The following SV2C variants were observed in gnomAD, a reference collection of about 807,000 sequenced individuals.
SV2C encodes the protein synaptic vesicle glycoprotein 2C.
In SV2C, 49 loss-of-function variants were observed where a neutral mutation model predicts 79.7. The observed-to-expected ratio is 0.61, with a 90% CI of 0.49 to 0.78. SV2C has a LOEUF of 0.78. Ranked by LOEUF, SV2C falls within the 30% of genes least tolerant of loss-of-function variation. The pLI, the probability that SV2C is intolerant of heterozygous loss-of-function variation, is 0.00. For synonymous variants in SV2C, 334 were observed against 333.2 expected (o/e 1.00, Z -0.03); for missense variants, 833 against 912.9 (o/e 0.91, Z 1.13).
the SV2C span, among the ~76,000 whole-genome samples, chr5:75,867,684 C>T: frequency 6.6e-6 from 1 of 152,170 alleles, no homozygotes; most frequent in Non-Finnish European, 1.5e-5. Flanking sequence ...TTCCATAGAA[C>T]ATAGATCTTT....
the SV2C span, among the ~76,000 whole-genome samples, chr5:76,025,257 G>A: frequency 8.7e-4 from 132 of 151,816 alleles, no homozygotes; most frequent in African/African-American, 3.1e-3. Context: ...TGTCCCACTG[G>A]AGCATAGGCA....
chr5:75,996,243 T>A, the SV2C span, among the ~76,000 whole-genome samples: 2 of 152,180 alleles, frequency 1.3e-5, no homozygotes, highest in Non-Finnish European at 2.9e-5. Flanking sequence ...AAAGAGGGAA[T>A]CCTTTCCCCA....
At chr5:76,051,355 G>A in the SV2C span, among the ~76,000 whole-genome samples, 6 of 151,552 alleles carry the variant, frequency 4.0e-5, no homozygotes, top group Non-Finnish European at 8.9e-5. Flanking sequence ...TATATTCTTG[G>A]ATTTAATTTT....
At chr5:75,853,638 T>G in the SV2C span, among the ~76,000 whole-genome samples, 1 of 127,062 alleles carries the variant, frequency 7.9e-6, no homozygotes, top group African/African-American at 3.2e-5. Flanking sequence ...AAAAGAATTT[T>G]AAAATTGTTA....
intron 4 of SV2C, among the ~76,000 whole-genome samples, chr5:76,261,081 A>G (rs999632085): frequency 5.3e-5 from 8 of 152,068 alleles, no homozygotes; most frequent in Non-Finnish European, 1.2e-4. Context: ...ATGAGCATGG[A>G]TTGTTTTCCA....
chr5:76,143,597 C>A (rs962755727), intron 2 of SV2C, among the ~76,000 whole-genome samples: 1 of 152,144 alleles, frequency 6.6e-6, no homozygotes, highest in Non-Finnish European at 1.5e-5. Context: ...TCTACCTGAC[C>A]CCCAGGAAGC....
the SV2C span, among the ~76,000 whole-genome samples, chr5:75,865,571 A>G: frequency 6.6e-6 from 1 of 152,196 alleles, no homozygotes; most frequent in Non-Finnish European, 1.5e-5. Context: ...CTGGTTATCT[A>G]CTTTGCGTGG....
At chr5:76,337,855 A>C (rs189221490), downstream of SV2C, among the ~76,000 whole-genome samples, 5 of 152,222 alleles carry the variant, frequency 3.3e-5, no homozygotes, top group East Asian at 1.9e-4. Flanking sequence ...TTTAAAAAAA[A>C]ACTTGGAGTC....
chr5:76,141,595 A>AG (rs1317014470), intron 2 of SV2C, among the ~76,000 whole-genome samples: 17 of 152,054 alleles, frequency 1.1e-4, no homozygotes. Flanking sequence ...AGGCCAAGGC[A>AG]GGTGGATCAC....
At chr5:76,187,453 A>C (rs999815724) in intron 2 of SV2C, among the ~76,000 whole-genome samples, 1 of 152,128 alleles carries the variant, frequency 6.6e-6, no homozygotes, top group Admixed American at 6.5e-5. Flanking sequence ...AGACTTCCCT[A>C]AGGTAAAAGT....
At chr5:75,923,546 C>G in the SV2C span, among the ~76,000 whole-genome samples, 2 of 152,196 alleles carry the variant, frequency 1.3e-5, no homozygotes, top group Admixed American at 1.3e-4. Flanking sequence ...TATCCACACT[C>G]TATGAGAAAC....
At chr5:76,027,253 G>A in the SV2C span, among the ~76,000 whole-genome samples, 1 of 151,576 alleles carries the variant, frequency 6.6e-6, no homozygotes, top group Non-Finnish European at 1.5e-5. Flanking sequence ...GTAGAGATAG[G>A]GTTTCACCAT....
chr5:75,998,517 T>C, the SV2C span, among the ~76,000 whole-genome samples: 1 of 152,094 alleles, frequency 6.6e-6, no homozygotes, highest in Non-Finnish European at 1.5e-5. Flanking sequence ...CATGATTGAA[T>C]TGATTTGAAT....
chr5:76,120,850 C>T (rs1230417305), intron 1 of SV2C, among the ~76,000 whole-genome samples: 16 of 150,212 alleles, frequency 1.1e-4, no homozygotes, highest in Non-Finnish European at 1.8e-4. Context: ...GTCTTTATAG[C>T]GGCATGATTT....
At chr5:75,980,757 A>G in the SV2C span, among the ~76,000 whole-genome samples, 1 of 152,324 alleles carries the variant, frequency 6.6e-6, no homozygotes, top group Admixed American at 6.5e-5. Flanking sequence ...CCAACATCAT[A>G]CTGAATGAGA....
intron 1 of SV2C, among the ~76,000 whole-genome samples, chr5:76,120,750 C>G (rs1256611240): frequency 0.014 from 2,102 of 148,244 alleles, 45 homozygotes; most frequent in African/African-American, 0.052. Flanking sequence ...GCCACATTTT[C>G]TTAATCCAGT....
At chr5:75,908,013 C>T in the SV2C span, among the ~76,000 whole-genome samples, 7 of 152,024 alleles carry the variant, frequency 4.6e-5, no homozygotes, top group Non-Finnish European at 4.4e-5. Context: ...CAGAGAATGC[C>T]AGTGTTAGTT....
At chr5:76,293,860 C>T (rs538992301) in intron 8 of SV2C, among the ~76,000 whole-genome samples, 1 of 152,308 alleles carries the variant, frequency 6.6e-6, no homozygotes, top group East Asian at 1.9e-4. Context: ...AGATGGGCAA[C>T]TGAGGCTTAG....
At chr5:76,249,285 G>T (rs534113254) in intron 4 of SV2C, among the ~76,000 whole-genome samples, 2 of 152,198 alleles carry the variant, frequency 1.3e-5, no homozygotes, top group South Asian at 4.1e-4. Context: ...TAAGTGGGTG[G>T]TTCTGTAGTA....
Sources: allele counts gnomAD v4.1 joint callset (sites outside exome capture counted in the v4.1 genomes callset), GRCh38; gene constraint gnomAD v4.1.1; transcripts MANE v1.5; gene names NCBI Gene and HGNC (gene_info 2026-07-23, HGNC 2026-07-21).